The following HS3ST1 variants were observed in gnomAD, a reference collection of about 807,000 sequenced individuals.
HS3ST1 encodes heparan sulfate glucosamine 3-O-sulfotransferase 1.
Under a neutral mutation model 20.7 loss-of-function variants are expected in HS3ST1, and 8 were observed. The ratio of observed to expected loss-of-function variants is 0.39; its 90% CI spans 0.23 to 0.70. The LOEUF (loss-of-function observed/expected upper bound fraction) is 0.70, where lower values mean the gene tolerates loss of function less well. Ranked by LOEUF, HS3ST1 falls within the 30% of genes least tolerant of loss-of-function variation. The probability of loss-of-function intolerance (pLI) is 0.46; values close to 1 mark genes in which losing one functional copy is unlikely to be tolerated. For synonymous variants in HS3ST1, 205 were observed against 190.4 expected, an observed-to-expected ratio of 1.08 and a Z score of -0.63; for missense variants, 436 against 423.4, an observed-to-expected ratio of 1.03 and a Z score of -0.26.
chr4:11,403,515 A>T (rs1577437597), intron 1 of HS3ST1, among the ~76,000 whole-genome samples: 2 of 152,342 alleles, frequency 1.3e-5, no homozygotes, highest in Middle Eastern at 3.4e-3. Context: ...GTCACATAGT[A>T]AATCTGTTCC....
At chr4:11,426,708 G>T (rs184950820) in intron 1 of HS3ST1, among the ~76,000 whole-genome samples, 1 of 152,220 alleles carries the variant, frequency 6.6e-6, no homozygotes, top group Non-Finnish European at 1.5e-5. Flanking sequence ...ACTTAAGAGT[G>T]CTTAGTCATG....
At chr4:11,426,365 C>T (rs1030653860) in intron 1 of HS3ST1, among the ~76,000 whole-genome samples, 1 of 141,406 alleles carries the variant, frequency 7.1e-6, no homozygotes, top group Non-Finnish European at 1.6e-5. Context: ...CTTCAGAGGC[C>T]CCCCCCCCAA....
At chr4:11,410,922 A>T (rs559440077) in intron 1 of HS3ST1, among the ~76,000 whole-genome samples, 2 of 150,274 alleles carry the variant, frequency 1.3e-5, no homozygotes, top group African/African-American at 4.9e-5. Context: ...AATAAATAAA[A>T]AAGTAGAGGA....
chr4:11,413,290 G>A (rs2108886002), intron 1 of HS3ST1, among the ~76,000 whole-genome samples: 1 of 152,244 alleles, frequency 6.6e-6, no homozygotes, highest in African/African-American at 2.4e-5. Flanking sequence ...ACACCAAACA[G>A]GCAGCTTAAT....
upstream of HS3ST1, among the ~76,000 whole-genome samples, chr4:11,432,891 C>T (rs570555188): frequency 6.6e-6 from 1 of 152,292 alleles, no homozygotes; most frequent in East Asian, 1.9e-4. Flanking sequence ...TCCCAACGCC[C>T]AATTTTGTCT....
intron 1 of HS3ST1, among the ~76,000 whole-genome samples, chr4:11,416,086 C>A (rs1307113811): frequency 6.6e-6 from 1 of 152,132 alleles, no homozygotes; most frequent in African/African-American, 2.4e-5. Flanking sequence ...GGGCAGAGTG[C>A]AGGTAGCATT....
Position 11,399,495 on chromosome 4 carries a change from A to T in HS3ST1, c.511T>A (p.Tyr171Asn). 1.9e-6 allele frequency: 3 copies of T among 1,614,022 alleles called. No individual in the cohort carries two copies. Among genetic ancestry groups the T allele is most frequent in the Non-Finnish European group, 2.5e-6 (3 of 1,180,000 alleles). Residue 171 changes from tyrosine (Y) to asparagine (N), a missense_variant, in exon 2 of 2, where the codon TAC becomes AAC. Physicochemically the swap from Tyr to Asn is moderately radical, Grantham distance 143. Coordinates refer to ENST00000002596, the MANE Select transcript of HS3ST1 (RefSeq NM_005114.4). The surrounding 1 kb of genome is among the most constrained non-coding windows in gnomAD (Gnocchi z 5.1). The part of the protein sequence containing the change: ...FYNHMQKHKP[Y>N]PSIEEFLVRD... Reference sequence around the variant, plus strand: ...ACCAGGAACTCCTCGATGGACGGGTAGGGCTTGTGCTTCTGCATGTGGTTG... The same window carrying T: ...ACCAGGAACTCCTCGATGGACGGGTTGGGCTTGTGCTTCTGCATGTGGTTG...
Position 11,393,301 on chromosome 4 carries a change from C to G in HS3ST1, c.*5781G>C, listed in dbSNP as rs1419930649. On this transcript the variant is annotated 3_prime_UTR_variant, in exon 2 of 2. Coordinates refer to ENST00000002596, the MANE Select transcript of HS3ST1 (RefSeq NM_005114.4). ...GATGCATTATACTATTTTGGTAGTC[C>G]GATAAGCTAATAAAAGAGCCTACTA... 1 of 152,112 alleles carries G rather than the reference C, an allele frequency of 6.6e-6. No homozygotes were observed. Among genetic ancestry groups the G allele is most frequent in the South Asian group, 2.1e-4 (1 of 4,826 alleles). The allele number at this position is 152,112 out of a possible 1,614,324, so 9.4% of individuals were successfully genotyped here. A position where few individuals can be genotyped will look rare whatever the true frequency, so the allele number is the denominator to read the frequency against.
chr4:11,402,715 C>T (rs1246384704), intron 1 of HS3ST1, among the ~76,000 whole-genome samples: 1 of 152,172 alleles, frequency 6.6e-6, no homozygotes, highest in Admixed American at 6.5e-5. Flanking sequence ...CAGGGAACAA[C>T]ACATTCATAT....
intron 1 of HS3ST1, among the ~76,000 whole-genome samples, chr4:11,408,311 G>C (rs189797754): frequency 6.6e-6 from 1 of 152,148 alleles, no homozygotes; most frequent in African/African-American, 2.4e-5. Flanking sequence ...CCTGTGGTAA[G>C]CTCTCAAATC....
chr4:11,428,193 TCCAA>T (rs1314867594), intron 1 of HS3ST1, among the ~76,000 whole-genome samples: 1 of 152,188 alleles, frequency 6.6e-6, no homozygotes, highest in African/African-American at 2.4e-5. Flanking sequence ...GATGCCTATC[TCCAA>T]CCAAATGCAA....
chr4:11,411,766 A>G (rs1330098381), intron 1 of HS3ST1, among the ~76,000 whole-genome samples: 1 of 152,226 alleles, frequency 6.6e-6, no homozygotes, highest in Admixed American at 6.5e-5. Context: ...AATGTTATTT[A>G]TTATTACTTA....
chr4:11,400,824 G>GT (rs1425307528), intron 1 of HS3ST1, among the ~76,000 whole-genome samples: 1 of 152,192 alleles, frequency 6.6e-6, no homozygotes, highest in African/African-American at 2.4e-5. Flanking sequence ...ATGTGACAAC[G>GT]TATCAGTCCC....
At chr4:11,402,218 T>C (rs1472156453) in intron 1 of HS3ST1, among the ~76,000 whole-genome samples, 3 of 152,172 alleles carry the variant, frequency 2.0e-5, no homozygotes, top group African/African-American at 7.2e-5. Context: ...TTGAAAAACA[T>C]ATTAAAGAGC....
chr4:11,423,994 G>A (rs1718998200), intron 1 of HS3ST1, among the ~76,000 whole-genome samples: 1 of 145,834 alleles, frequency 6.9e-6, no homozygotes, highest in Non-Finnish European at 1.5e-5. Flanking sequence ...GCACTTGAAA[G>A]TGAGTAGATT....
In HS3ST1 at chr4:11,396,313, G is replaced by T. The variant is rs186227622; in HGVS notation, c.*2769C>A. On this transcript the variant is annotated 3_prime_UTR_variant, in exon 2 of 2. Coordinates refer to ENST00000002596, the MANE Select transcript of HS3ST1 (RefSeq NM_005114.4). ...GAAGGGAAAGGGAAGGGGCTGTTCT[G>T]ACTCTGGAGTGTCAAGTGTGTGAAT... The T allele has an allele frequency of 3.3e-5, 5 of 152,412 alleles. No individual in the cohort carries two copies. Among genetic ancestry groups the T allele is most frequent in the Admixed American group, 2.6e-4 (4 of 15,308 alleles). 9.4% of individuals were successfully genotyped at this position (152,412 alleles called of 1,614,324 possible).
At chr4:11,429,643 C>CTTTTTTTTTTTCTTT (rs1719163909), upstream of HS3ST1, 1 of 47,232 alleles carries the variant, frequency 2.1e-5, no homozygotes, top group African/African-American at 7.8e-5. Context: ...GAAAATTCAG[C>CTTTTTTTTTTTCTTT]TTTTTTTTTT....
In HS3ST1 at chr4:11,419,472, C is replaced by T. The variant is rs150349164; in HGVS notation, c.-109+9227G>A. On this transcript the variant is annotated intron_variant, in intron 1 of 1. Coordinates refer to ENST00000002596, the MANE Select transcript of HS3ST1 (RefSeq NM_005114.4). ...GGAGGGGAACAACACACACCGGGGCCTGTCGGAGGTTGGGGAGAGGGGAGG... is the reference window on the plus strand; with the variant it reads ...GGAGGGGAACAACACACACCGGGGCTTGTCGGAGGTTGGGGAGAGGGGAGG... 3.3e-5 allele frequency among the ~76,000 whole-genome samples: 5 copies of T among 152,092 alleles called. No homozygotes were observed. The East Asian group carries it at 9.7e-4, about 30-fold the overall frequency.
intron 1 of HS3ST1, among the ~76,000 whole-genome samples, chr4:11,400,750 T>G (rs1718300771): frequency 1.3e-5 from 2 of 152,254 alleles, no homozygotes. Flanking sequence ...GATTGCATGA[T>G]TAGTCCCAAT....
Sources: gnomAD v4.1 joint callset for allele counts (sites outside exome capture counted in the v4.1 genomes callset) on GRCh38, gnomAD v4.1.1 for gene constraint, Gnocchi (gnomAD v3.1) non-coding constraint, MANE v1.5 for transcripts, NCBI Gene and HGNC (gene_info 2026-07-23, HGNC 2026-07-21) for gene names.